The following IL1RAPL2 variants were observed in gnomAD, a reference collection of about 807,000 sequenced individuals.
IL1RAPL2 encodes X-linked interleukin-1 receptor accessory protein-like 2.
IL1RAPL2 carries 3 observed loss-of-function variants against 44.1 expected under a neutral mutation model. The ratio of observed to expected loss-of-function variants is 0.07; its 90% CI spans 0.03 to 0.18. The LOEUF is 0.18. IL1RAPL2 is among the 10% of genes least tolerant of loss of function. IL1RAPL2 has a pLI of 1.00. For synonymous variants in IL1RAPL2, 181 were observed against 178.8 expected (o/e 1.01, Z -0.10); for missense variants, 391 against 496.4 (o/e 0.79, Z 2.02).
intron 2 of IL1RAPL2, among the ~76,000 whole-genome samples, chrX:104,668,760 T>G (rs1930535767): frequency 9.1e-6 from 1 of 109,400 alleles, no homozygotes; most frequent in African/African-American, 3.3e-5. Flanking sequence ...ACATTCCTTC[T>G]GCATCTCTGA....
chrX:104,621,436 G>T (rs1444293970), intron 1 of IL1RAPL2, among the ~76,000 whole-genome samples: 2 of 108,783 alleles, frequency 1.8e-5, no homozygotes, highest in African/African-American at 6.7e-5. Flanking sequence ...GCCATTGCTG[G>T]GTGCTGCAGC....
At chrX:105,359,719 G>T (rs922019305) in intron 5 of IL1RAPL2, among the ~76,000 whole-genome samples, 1 of 109,104 alleles carries the variant, frequency 9.2e-6, no homozygotes, top group African/African-American at 3.3e-5. Flanking sequence ...TTATTGTTTT[G>T]GTCTCTAGTT....
intron 2 of IL1RAPL2, among the ~76,000 whole-genome samples, chrX:104,831,089 T>C (rs1027938563): frequency 8.9e-6 from 1 of 111,914 alleles, no homozygotes; most frequent in Admixed American, 9.6e-5. Flanking sequence ...AGGAAAGTTA[T>C]GTAGCACTTT....
At chrX:105,375,869 G>A (rs746457886) in intron 5 of IL1RAPL2, among the ~76,000 whole-genome samples, 81 of 111,780 alleles carry the variant, frequency 7.2e-4, no homozygotes, top group South Asian at 2.6e-3. Context: ...CAACTGTTTC[G>A]TAAGTTTTTC....
At chrX:104,627,655 C>A (rs1929542835) in intron 1 of IL1RAPL2, among the ~76,000 whole-genome samples, 1 of 110,938 alleles carries the variant, frequency 9.0e-6, no homozygotes, top group South Asian at 3.9e-4. Context: ...ACCCCCTCCC[C>A]ACATATTCCC....
At chrX:104,847,066 T>G (rs1922072248) in intron 2 of IL1RAPL2, among the ~76,000 whole-genome samples, 1 of 112,153 alleles carries the variant, frequency 8.9e-6, no homozygotes, top group African/African-American at 3.2e-5. Flanking sequence ...TAAATTTGTT[T>G]GAGTTCTTTG....
At chrX:104,953,517 T>A (rs747228274) in intron 2 of IL1RAPL2, among the ~76,000 whole-genome samples, 1 of 111,402 alleles carries the variant, frequency 9.0e-6, no homozygotes, top group African/African-American at 3.2e-5. Context: ...AATATGAAAT[T>A]GTTTTGTTTA....
At chrX:105,362,533 A>C (rs986441268) in intron 5 of IL1RAPL2, among the ~76,000 whole-genome samples, 4 of 110,697 alleles carry the variant, frequency 3.6e-5, no homozygotes, top group Non-Finnish European at 7.6e-5. Flanking sequence ...CGCCCCCCAA[A>C]GACTACAGGT....
At chrX:105,459,569 G>A (rs1022331825) in intron 5 of IL1RAPL2, among the ~76,000 whole-genome samples, 3 of 111,086 alleles carry the variant, frequency 2.7e-5, no homozygotes, top group African/African-American at 9.8e-5. Context: ...TCTGGCTTAA[G>A]CATGTGAGCA....
At chrX:104,730,941 T>A (rs1225759620) in intron 2 of IL1RAPL2, among the ~76,000 whole-genome samples, 2 of 111,434 alleles carry the variant, frequency 1.8e-5, no homozygotes, top group Non-Finnish European at 3.8e-5. Flanking sequence ...GGTATCTCAT[T>A]GTGGTTTTGA....
chrX:105,764,653 A>T lies in IL1RAPL2; in HGVS notation c.1364-2311A>T, dbSNP rs771399969. Among the ~76,000 whole-genome samples the T allele has an allele frequency of 3.6e-5, 4 of 110,810 alleles. No homozygotes were observed. The South Asian group carries it at 1.2e-3, about 32-fold the overall frequency. ...CCACCTCTATAAAAAATAATAATAAAAAATTAGCCGAGCATGGTGGCTGGC... is the reference window on the plus strand; with the variant it reads ...CCACCTCTATAAAAAATAATAATAATAAATTAGCCGAGCATGGTGGCTGGC... On this transcript the variant is annotated intron_variant, in intron 10 of 10. Transcript: ENST00000372582.
chrX:105,400,650 T>TA (rs2035600252), intron 5 of IL1RAPL2, among the ~76,000 whole-genome samples: 1 of 109,519 alleles, frequency 9.1e-6, no homozygotes, highest in Non-Finnish European at 1.9e-5. Flanking sequence ...ATTTGAAAAA[T>TA]AAAAAATGCA....
Position 105,606,872 on chromosome X carries a change from T to C in IL1RAPL2, c.773-110495T>C, listed in dbSNP as rs754205355. 5.4e-5 allele frequency among the ~76,000 whole-genome samples: 6 copies of C among 111,309 alleles called. No individual in the cohort carries two copies. In the South Asian group the frequency reaches 2.2e-3, roughly 41 times the overall value. On this transcript the variant is annotated intron_variant, in intron 6 of 10. Transcript: ENST00000372582. ...GATTTCCTACAAGTAGAGAGTAGAA[T>C]AGTAGTTACTAGAGGCTTGGAAGGG...
chrX:105,544,919 T>C (rs916360374), intron 6 of IL1RAPL2, among the ~76,000 whole-genome samples: 1 of 111,530 alleles, frequency 9.0e-6, no homozygotes, highest in African/African-American at 3.3e-5. Flanking sequence ...GATTACAATA[T>C]GAATCTTAAT....
In IL1RAPL2 at chrX:104,854,280, A is replaced by AT. The variant is rs1313514087; in HGVS notation, c.82+195295dup. The stretch of plus-strand genomic sequence containing the variant: ...TGTATTAGGTCATCCAGAAACCCTG[A>AT]TTTTTTTTTTAAAGGTATCATTAAG... On this transcript the variant is annotated intron_variant, in intron 2 of 10. Coordinates refer to ENST00000372582, the MANE Select transcript of IL1RAPL2 (RefSeq NM_017416.2). Among the ~76,000 whole-genome samples the AT allele has an allele frequency of 2.9e-3, 315 of 108,864 alleles. 2 individuals carry two copies. The highest frequency in any genetic ancestry group is 9.6e-3 in the African/African-American group (287 of 29,928). The allele number at this position is 108,864 out of a possible 115,157, so 94.5% of individuals were successfully genotyped here.
At chrX:105,499,423 A>C (rs1047616653) in intron 6 of IL1RAPL2, among the ~76,000 whole-genome samples, 11 of 111,506 alleles carry the variant, frequency 9.9e-5, no homozygotes, top group Non-Finnish European at 1.9e-5. Context: ...TCTATGCAGC[A>C]AAGGAAATAA....
chrX:104,649,919 TG>T (rs1401059162), intron 1 of IL1RAPL2, among the ~76,000 whole-genome samples: 1 of 112,204 alleles, frequency 8.9e-6, no homozygotes, highest in Non-Finnish European at 1.9e-5. Context: ...TGAAAGTCAT[TG>T]AAGCATAACA....
intron 4 of IL1RAPL2, among the ~76,000 whole-genome samples, chrX:105,254,438 A>G (rs1041615488): frequency 1.8e-5 from 2 of 112,245 alleles, no homozygotes; most frequent in African/African-American, 3.2e-5. Context: ...AGTTCCTTAT[A>G]GATGCTGGAT....
At chrX:104,620,186 G>A (rs1039525906) in intron 1 of IL1RAPL2, among the ~76,000 whole-genome samples, 4 of 110,710 alleles carry the variant, frequency 3.6e-5, no homozygotes, top group African/African-American at 9.9e-5. Context: ...GAAAATGACC[G>A]GTGAGAAGTG....
Sources: gnomAD v4.1 joint callset for allele counts (sites outside exome capture counted in the v4.1 genomes callset) on GRCh38, gnomAD v4.1.1 for gene constraint, MANE v1.5 for transcripts, NCBI Gene and HGNC (gene_info 2026-07-23, HGNC 2026-07-21) for gene names.